Variants in ADGRB3 observed in about 807,000 individuals in gnomAD.
ADGRB3 encodes the protein adhesion G protein-coupled receptor B3, also known as brain-specific angiogenesis inhibitor 3.
Under a neutral mutation model 193.4 loss-of-function variants are expected in ADGRB3, and 37 were observed. The observed-to-expected ratio is 0.19, with a 90% CI of 0.15 to 0.25. The LOEUF (loss-of-function observed/expected upper bound fraction) is 0.25, where lower values mean the gene tolerates loss of function less well. ADGRB3 is among the 10% of genes least tolerant of loss of function. The pLI is 1.00. For missense variants in ADGRB3, 1,637 were observed against 1,852.9 expected, an observed-to-expected ratio of 0.88 and a Z score of 2.14; for synonymous variants, 690 against 644.2, an observed-to-expected ratio of 1.07 and a Z score of -1.08.
intron 20 of ADGRB3, among the ~76,000 whole-genome samples, chr6:69,243,853 A>G (rs1235168444): frequency 3.3e-5 from 5 of 152,044 alleles, no homozygotes; most frequent in Admixed American, 1.3e-4. Flanking sequence ...ACTAACTGGC[A>G]CATATATAGT....
chr6:69,345,107 G>A (rs781599948), intron 26 of ADGRB3, among the ~76,000 whole-genome samples: 3 of 152,060 alleles, frequency 2.0e-5, no homozygotes, highest in African/African-American at 4.8e-5. Flanking sequence ...TGGTCAGAAT[G>A]TTCAATGACC....
rs760875922 is a variant in ADGRB3, at chr6:69,079,582, C to T, written c.2480+3544C>T. Among the ~76,000 whole-genome samples the T allele has an allele frequency of 1.3e-4, 20 of 152,154 alleles. 1 individual carries two copies. The highest frequency in any genetic ancestry group is 2.6e-4 in the Non-Finnish European group (18 of 67,944). ...TATTGGAAGTTCTGGCCAGGGCAAT[C>T]AGGCAAGGGAAAGAAATAAAGGGTA... On this transcript the variant is annotated intron_variant, in intron 17 of 31. Transcript: ENST00000370598.
At chr6:69,332,410 T>G in intron 23 of ADGRB3, 1 of 985,396 alleles carries the variant, frequency 1.0e-6, no homozygotes, top group Non-Finnish European at 1.2e-6. Flanking sequence ...TACATCAAAA[T>G]GCTCCCCTTC....
At chr6:69,367,548 T>C (rs985651097) in intron 29 of ADGRB3, among the ~76,000 whole-genome samples, 1 of 151,956 alleles carries the variant, frequency 6.6e-6, no homozygotes, top group Non-Finnish European at 1.5e-5. Context: ...TTTTAATGAT[T>C]GCCATTCTAA....
intron 3 of ADGRB3, among the ~76,000 whole-genome samples, chr6:68,698,840 C>T (rs1294753187): frequency 6.6e-6 from 1 of 151,994 alleles, no homozygotes; most frequent in Non-Finnish European, 1.5e-5. Context: ...GTAATAGTCA[C>T]AGGTAATGGA....
intron 3 of ADGRB3, among the ~76,000 whole-genome samples, chr6:68,702,514 A>G (rs534930754): frequency 2.0e-5 from 3 of 152,306 alleles, no homozygotes; most frequent in East Asian, 3.9e-4. Flanking sequence ...AATTCAATAT[A>G]TCAAATTATT....
At chr6:68,981,235 T>G (rs1022701165) in intron 10 of ADGRB3, among the ~76,000 whole-genome samples, 2 of 151,798 alleles carry the variant, frequency 1.3e-5, no homozygotes, top group East Asian at 3.9e-4. Flanking sequence ...AGAAGTCTCT[T>G]TATTTTATTC....
rs1048629091 is a variant in ADGRB3, at chr6:69,002,097, A to G, written c.1929+8135A>G. On this transcript the variant is annotated intron_variant, in intron 11 of 31. Coordinates refer to ENST00000370598, the MANE Select transcript of ADGRB3 (RefSeq NM_001704.3). ...AGCTGAGATTAAATAGGAAGCTCTA[A>G]CCTTAGTTTTCTGATTTCTTTTTTA... 1.7e-4 allele frequency among the ~76,000 whole-genome samples: 26 copies of G among 152,162 alleles called. 1 individual carries two copies. The highest frequency in any genetic ancestry group is 1.6e-3 in the Admixed American group (25 of 15,270).
rs565935177 is a variant in ADGRB3, at chr6:68,709,762, A to G, written c.757+70330A>G. The stretch of plus-strand genomic sequence containing the variant: ...AACCAGAATACATTATTTATGTCAA[A>G]CTACGTATGCAAAAGGACGTTTCTG... On this transcript the variant is annotated intron_variant, in intron 3 of 31. Transcript: ENST00000370598. 1.4e-4 allele frequency among the ~76,000 whole-genome samples: 22 copies of G among 152,322 alleles called. No individual in the cohort carries two copies. In the South Asian group the frequency reaches 2.1e-3, roughly 14 times the overall value.
At position 69,339,340 on chromosome 6, in the gene ADGRB3, C is replaced by T; in HGVS notation, c.3295C>T (p.Leu1099Phe). ...CTTTCTTGGTCTCAACAGGGCGTCT[C>T]TTTGGAGCTCCTGTGTGGTGTTGCC... ...ATTASNAMAS[L>F]WSSCVVLPLL... Residue 1099 changes from leucine to phenylalanine, a missense_variant, in exon 26 of 32, where the codon CTT becomes TTT. Coordinates refer to ENST00000370598, the MANE Select transcript of ADGRB3 (RefSeq NM_001704.3). The T allele has an allele frequency of 6.2e-7, 1 of 1,613,784 alleles. No homozygotes were observed. The highest frequency in any genetic ancestry group is 8.5e-7 in the Non-Finnish European group (1 of 1,179,818).
intron 17 of ADGRB3, among the ~76,000 whole-genome samples, chr6:69,132,216 T>C (rs1774030137): frequency 6.6e-6 from 1 of 152,214 alleles, no homozygotes; most frequent in African/African-American, 2.4e-5. Flanking sequence ...TCCTCCATAA[T>C]GGTTGAACTA....
chr6:68,991,555 A>G (rs1769238214), intron 10 of ADGRB3, among the ~76,000 whole-genome samples: 1 of 149,782 alleles, frequency 6.7e-6, no homozygotes, highest in Non-Finnish European at 1.5e-5. Flanking sequence ...GGCCCCCGCC[A>G]TCCCCTCGCT....
chr6:68,805,613 T>C (rs1250897056), intron 3 of ADGRB3, among the ~76,000 whole-genome samples: 1 of 152,148 alleles, frequency 6.6e-6, no homozygotes, highest in Non-Finnish European at 1.5e-5. Flanking sequence ...TATCTACAGC[T>C]CTTGAACTGT....
chr6:69,336,133 A>G (rs78758682), intron 24 of ADGRB3, among the ~76,000 whole-genome samples: 8,561 of 152,046 alleles, frequency 0.056, 331 homozygotes, highest in Admixed American at 0.087. Flanking sequence ...GATTTGTTGT[A>G]CAGATTATTT....
chr6:68,905,112 A>G (rs1036739340), intron 3 of ADGRB3, among the ~76,000 whole-genome samples: 1 of 152,194 alleles, frequency 6.6e-6, no homozygotes, highest in Non-Finnish European at 1.5e-5. Context: ...ACTGTTACCT[A>G]TATCTCATAT....
rs180790718 is a variant in ADGRB3 at position 69,314,649 on chromosome 6, T to A, written c.2815-10223T>A. ...GAACTAAAATCCATCATATCTTTTCTACTGATATTTTCCATAACATCCAAG... is the reference window on the plus strand; with the variant it reads ...GAACTAAAATCCATCATATCTTTTCAACTGATATTTTCCATAACATCCAAG... On this transcript the variant is annotated intron_variant, in intron 20 of 31. Transcript: ENST00000370598. Among the ~76,000 whole-genome samples the A allele has an allele frequency of 4.2e-4, 64 of 151,718 alleles. No individual in the cohort carries two copies. The East Asian group carries it at 0.011, about 26-fold the overall frequency.
At chr6:69,303,161 T>G (rs1424590734) in intron 20 of ADGRB3, among the ~76,000 whole-genome samples, 1 of 151,928 alleles carries the variant, frequency 6.6e-6, no homozygotes. Flanking sequence ...GCAGAAAGTT[T>G]CGATTATTCC....
At position 69,005,368 on chromosome 6, in the gene ADGRB3, G is replaced by A. The variant is rs1040641693; in HGVS notation, c.1930-8670G>A. Among the ~76,000 whole-genome samples, 9 of 151,512 alleles carry A rather than the reference G, an allele frequency of 5.9e-5. 1 individual carries two copies. Among genetic ancestry groups the A allele is most frequent in the East Asian group, 5.8e-4 (3 of 5,144 alleles). ...AAGGTAACTCAGAGGTACTGAGAGC[G>A]TTGTATAAAAAATTCCCCATCTGAG... is the stretch of plus-strand genomic sequence containing the variant. On this transcript the variant is annotated intron_variant, in intron 11 of 31. Transcript: ENST00000370598.
intron 4 of ADGRB3, 65 bp downstream of exon 4, chr6:68,930,734 A>T: frequency 4.0e-6 from 5 of 1,238,556 alleles, no homozygotes; most frequent in Non-Finnish European, 5.7e-6. Flanking sequence ...GCATGTTTTC[A>T]TAATCTTTTG....
Sources: gnomAD v4.1 joint callset for allele counts (sites outside exome capture counted in the v4.1 genomes callset) on GRCh38, gnomAD v4.1.1 for gene constraint, MANE v1.5 for transcripts, NCBI Gene and HGNC (gene_info 2026-07-23, HGNC 2026-07-21) for gene names.